The following OR9K2 variants were observed in gnomAD, a reference collection of about 807,000 sequenced individuals.
OR9K2 encodes the protein olfactory receptor family 9 subfamily K member 2, also known as olfactory receptor 9K2.
Under a neutral mutation model 12.4 loss-of-function variants are expected in OR9K2, and 16 were observed. The ratio of observed to expected loss-of-function variants is 1.29; its 90% CI spans 0.87 to 1.95. The LOEUF (loss-of-function observed/expected upper bound fraction) is 1.95, where lower values mean the gene tolerates loss of function less well. Among genes scored for constraint, OR9K2 ranks in the 30% most tolerant of loss-of-function variants. The pLI, the probability that OR9K2 is intolerant of heterozygous loss-of-function variation, is 0.00. For missense variants in OR9K2, 434 were observed against 376.5 expected (o/e 1.15, Z -1.26); for synonymous variants, 133 against 133.2 (o/e 1.00, Z 0.01).
rs755436954 is a variant in OR9K2, at chr12:55,129,909, G to C, written c.75G>C (p.Glu25Asp). ...TTGCAGGCTTCAGGGTACGCCCAGA[G>C]CTCCACATTCTCCTCTTCCTGCTAT... The part of the protein sequence containing the change: ...FILAGFRVRP[E>D]LHILLFLLFL... The change falls in exon 3 of 3, where the codon GAG becomes GAC. Residue 25 changes from glutamate (E) to aspartate (D), a missense_variant. Physicochemically the swap from Glu to Asp is conservative, Grantham distance 45 (BLOSUM62 2). Coordinates refer to ENST00000641329, the MANE Select transcript of OR9K2 (RefSeq NM_001005243.2). 1 of 1,613,850 alleles carries C rather than the reference G, an allele frequency of 6.2e-7. No homozygotes were observed. The highest frequency in any genetic ancestry group is 1.3e-5 in the African/African-American group (1 of 74,888).
At position 55,132,177 on chromosome 12, in the gene OR9K2, C is replaced by T. The variant is rs1428839100; in HGVS notation, c.*1401C>T. Reference sequence around the variant, plus strand: ...TTTCCTACTATTATCAGGAAAAATGCAAGGATGCCTTCTCTCACCACACCT... The same window carrying T: ...TTTCCTACTATTATCAGGAAAAATGTAAGGATGCCTTCTCTCACCACACCT... On this transcript the variant is annotated 3_prime_UTR_variant, in exon 3 of 3. Transcript: ENST00000641329. 6.6e-6 allele frequency: 1 copy of T among 152,138 alleles called. No homozygotes were observed. Among genetic ancestry groups the T allele is most frequent in the Non-Finnish European group, 1.5e-5 (1 of 68,018 alleles). 9.4% of individuals were successfully genotyped at this position (152,138 alleles called of 1,614,324 possible).
rs184868624 is a variant in OR9K2 at position 55,126,617 on chromosome 12, A to G, written c.-94+101A>G. ...CCTTGACTCTCTTCTAAAAAGGACT[A>G]TAAAACTTTTCAGGAAATCAACTAC... is the stretch of plus-strand genomic sequence containing the variant. On this transcript the variant is annotated intron_variant, in intron 1 of 2. Transcript: ENST00000641329. The G allele has an allele frequency of 2.0e-3, 301 of 152,290 alleles. 2 individuals carry two copies. The highest frequency in any genetic ancestry group is 6.9e-3 in the African/African-American group (287 of 41,564). The allele number at this position is 152,290 out of a possible 1,614,324, so 9.4% of individuals were successfully genotyped here. A position where few individuals can be genotyped will look rare whatever the true frequency, so the allele number is the denominator to read the frequency against.
chr12:55,127,787 T>C (rs1953439246), intron 2 of OR9K2, among the ~76,000 whole-genome samples: 1 of 152,072 alleles, frequency 6.6e-6, no homozygotes, highest in South Asian at 2.1e-4. Flanking sequence ...CACTGAAACG[T>C]ATAATAAAAA....
At chr12:55,128,958 C>T (rs138727827) in intron 2 of OR9K2, among the ~76,000 whole-genome samples, 1 of 152,134 alleles carries the variant, frequency 6.6e-6, no homozygotes, top group African/African-American at 2.4e-5. Flanking sequence ...GAGCCTTTTG[C>T]AGGGTGGAAG....
intron 2 of OR9K2, chr12:55,129,564 G>T (rs980097264): frequency 3.7e-6 from 2 of 545,680 alleles, no homozygotes; most frequent in East Asian, 5.9e-5. Context: ...AATGTGAAAG[G>T]CATTTGGGTA....
Position 55,129,702 on chromosome 12 carries a change from A to G in OR9K2, c.-9-124A>G, listed in dbSNP as rs188546777. 5.8e-6 allele frequency: 7 copies of G among 1,211,296 alleles called. No individual in the cohort carries two copies. The East Asian group carries it at 1.7e-4, about 29-fold the overall frequency. 75.0% of individuals were successfully genotyped at this position (1,211,296 alleles called of 1,614,324 possible). A position where few individuals can be genotyped will look rare whatever the true frequency, so the allele number is the denominator to read the frequency against. On this transcript the variant is annotated intron_variant, in intron 2 of 2. Transcript: ENST00000641329. ...TAAGTCACAGTATACTTATGAGGCA[A>G]AAATTAATAATAACATTAATTTAAA...
Position 55,130,377 on chromosome 12 carries a change from CTG to C in OR9K2, c.546_547del (p.Cys182Ter), listed in dbSNP as rs1565621581. ...CTTCTCGGGCTGTTGACCACTTTTA[CTG>C]TGATTCTCGCCCACTTCAGAGACTG... ...CASRAVDHFY[C>X]DSRPLQRLSC... On this transcript the variant is annotated frameshift_variant, in exon 3 of 3. Coordinates refer to ENST00000641329, the MANE Select transcript of OR9K2 (RefSeq NM_001005243.2). LOFTEE classifies it high-confidence loss of function. The C allele has an allele frequency of 1.2e-6, 2 of 1,614,020 alleles. No individual in the cohort carries two copies. Among genetic ancestry groups the C allele is most frequent in the South Asian group, 2.2e-5 (2 of 91,080 alleles).
chr12:55,129,910 C>G lies in OR9K2; in HGVS notation c.76C>G (p.Leu26Val). Residue 26 changes from leucine to valine, a missense_variant, in exon 3 of 3, where the codon CTC becomes GTC. Leu to Val is a conservative substitution (Grantham distance 32, BLOSUM62 1). Transcript: ENST00000641329. ...ILAGFRVRPE[L>V]HILLFLLFLF... is the part of the protein sequence containing the mutation. The stretch of plus-strand genomic sequence containing the variant: ...TGCAGGCTTCAGGGTACGCCCAGAG[C>G]TCCACATTCTCCTCTTCCTGCTATT... The G allele has an allele frequency of 1.2e-6, 2 of 1,614,032 alleles. No homozygotes were observed. The highest frequency in any genetic ancestry group is 2.7e-5 in the African/African-American group (2 of 75,026).
At position 55,130,722 on chromosome 12, in the gene OR9K2, A is replaced by C; in HGVS notation, c.888A>C (p.Lys296Asn). 1.2e-6 allele frequency: 2 copies of C among 1,608,308 alleles called. No homozygotes were observed. The highest frequency in any genetic ancestry group is 1.7e-6 in the Non-Finnish European group (2 of 1,175,094). The change falls in exon 3 of 3, where the codon AAA becomes AAC. Residue 296 changes from lysine (K) to asparagine (N), a missense_variant. Coordinates refer to ENST00000641329, the MANE Select transcript of OR9K2 (RefSeq NM_001005243.2). Reference protein sequence around the residue: ...LNPLIYSLRNKDVQEALKKFL... With the variant: ...LNPLIYSLRNNDVQEALKKFL... ...CTTTGATTTACTCTCTGAGGAACAAAGATGTCCAAGAGGCTCTAAAAAAAT... is the reference window on the plus strand; with the variant it reads ...CTTTGATTTACTCTCTGAGGAACAACGATGTCCAAGAGGCTCTAAAAAAAT...
At position 55,130,206 on chromosome 12, in the gene OR9K2, C is replaced by G. The variant is rs550947626; in HGVS notation, c.372C>G (p.Asp124Glu). ...TTCTCCTGGCGGCCATGGCTTATGA[C>G]CGCTTTATTGCCATCTGCAACCCTC... ...EGFLLAAMAY[D>E]RFIAICNPLL... The change falls in exon 3 of 3, where the codon GAC becomes GAG. Residue 124 changes from aspartate (D) to glutamate (E), a missense_variant. Transcript: ENST00000641329. 1.9e-6 allele frequency: 3 copies of G among 1,614,126 alleles called. No homozygotes were observed. The highest frequency in any genetic ancestry group is 2.5e-6 in the Non-Finnish European group (3 of 1,179,998).
chr12:55,129,577 A>C (rs930704501), intron 2 of OR9K2: 8 of 558,418 alleles, frequency 1.4e-5, no homozygotes, highest in Non-Finnish European at 2.2e-5. Context: ...TTTGGGTAGA[A>C]AGGCATTGTA....
chr12:55,127,047 G>T (rs1315481107), intron 2 of OR9K2, 136 bp downstream of exon 2: 1 of 151,864 alleles, frequency 6.6e-6, no homozygotes, highest in Non-Finnish European at 1.5e-5. Context: ...CATTTATAAT[G>T]TTACAATGTT....
Position 55,130,236 on chromosome 12 carries a change from C to G in OR9K2, c.402C>G (p.Leu134=). 6.2e-7 allele frequency: 1 copy of G among 1,614,100 alleles called. No homozygotes were observed. Among genetic ancestry groups the G allele is most frequent in the Non-Finnish European group, 8.5e-7 (1 of 1,180,000 alleles). ...TTATTGCCATCTGCAACCCTCTGCT[C>G]TACTCTGTTCAAATGTCCACACGTC... ...DRFIAICNPL[L]YSVQMSTRLC... is the part of the protein sequence containing the mutation. Residue 134 remains leucine, a synonymous_variant, in exon 3 of 3, where the codon CTC becomes CTG. Coordinates refer to ENST00000641329, the MANE Select transcript of OR9K2 (RefSeq NM_001005243.2).
At chr12:55,129,639 GCAA>G (rs1193020723) in intron 2 of OR9K2, 184 bp from the exon 3 acceptor site, 1 of 664,170 alleles carries the variant, frequency 1.5e-6, no homozygotes, top group Admixed American at 2.9e-5. Flanking sequence ...AATAAGAAAT[GCAA>G]CTAATCTTTG....
In OR9K2 at chr12:55,131,105, AT is replaced by A. The variant is rs1953470533; in HGVS notation, c.*333del. 1 of 179,870 alleles carries A rather than the reference AT, an allele frequency of 5.6e-6. No individual in the cohort carries two copies. Among genetic ancestry groups the A allele is most frequent in the African/African-American group, 2.4e-5 (1 of 41,896 alleles). The allele number at this position is 179,870 out of a possible 1,614,324, so 11.1% of individuals were successfully genotyped here. ...TATTTTGTTATAGTGCTTCAGCAAG[AT>A]TTTATCTGGTGTTTGTCTTTGGGAT... On this transcript the variant is annotated 3_prime_UTR_variant, in exon 3 of 3. Coordinates refer to ENST00000641329, the MANE Select transcript of OR9K2 (RefSeq NM_001005243.2).
intron 2 of OR9K2, among the ~76,000 whole-genome samples, chr12:55,127,646 T>G (rs1953438105): frequency 6.6e-6 from 1 of 151,932 alleles, no homozygotes; most frequent in Non-Finnish European, 1.5e-5. Flanking sequence ...TCTCCAAGAG[T>G]TCTTCATCTC....
At chr12:55,127,190 A>T (rs537110894) in intron 2 of OR9K2, among the ~76,000 whole-genome samples, 42 of 151,992 alleles carry the variant, frequency 2.8e-4, no homozygotes, top group Admixed American at 2.6e-3. Context: ...CTAGATTCAG[A>T]ACATTATGTT....
Position 55,126,450 on chromosome 12 carries a change from T to C in OR9K2, c.-160T>C, listed in dbSNP as rs144916873. Reference sequence around the variant, plus strand: ...TGCATATCCATGGCAATCTATCCTCTTGCCTTGAAAGCATACAAGTTTCTG... The same window carrying C: ...TGCATATCCATGGCAATCTATCCTCCTGCCTTGAAAGCATACAAGTTTCTG... On this transcript the variant is annotated 5_prime_UTR_variant, in exon 1 of 3. Transcript: ENST00000641329. The C allele has an allele frequency of 1.2e-4, 19 of 152,320 alleles. No individual in the cohort carries two copies. In the East Asian group the frequency reaches 3.3e-3, roughly 26 times the overall value. 9.4% of individuals were successfully genotyped at this position (152,320 alleles called of 1,614,324 possible).
At chr12:55,129,711 A>G in intron 2 of OR9K2, 115 bp from the exon 3 acceptor site, 2 of 1,261,256 alleles carry the variant, frequency 1.6e-6, no homozygotes, top group Non-Finnish European at 2.2e-6. Flanking sequence ...AAAAATTAAT[A>G]ATAACATTAA....
Sources: allele counts gnomAD v4.1 joint callset (sites outside exome capture counted in the v4.1 genomes callset), GRCh38; gene constraint gnomAD v4.1.1; transcripts MANE v1.5; gene names NCBI Gene and HGNC (gene_info 2026-07-23, HGNC 2026-07-21).